Variants in GALNT1 observed in about 807,000 individuals in gnomAD.
GALNT1 encodes GalNAc transferase 1.
In GALNT1, 17 loss-of-function variants were observed where a neutral mutation model predicts 65.7. That is an observed-to-expected ratio of 0.26 (90% CI 0.18 to 0.39). The LOEUF (loss-of-function observed/expected upper bound fraction) is 0.39. Among genes scored for constraint, GALNT1 ranks in the 10% least tolerant of loss-of-function variants. GALNT1 has a pLI of 1.00. For missense variants in GALNT1, 460 were observed against 672.8 expected (o/e 0.68, Z 3.50); for synonymous variants, 210 against 219.7 (o/e 0.96, Z 0.39).
intron 3 of GALNT1, among the ~76,000 whole-genome samples, chr18:35,675,580 A>C (rs1199379029): frequency 1.3e-5 from 2 of 152,222 alleles, no homozygotes; most frequent in Non-Finnish European, 2.9e-5. Flanking sequence ...TCTCTTCTGC[A>C]GAACCTGCTG....
intron 1 of GALNT1, among the ~76,000 whole-genome samples, chr18:35,621,588 C>G (rs1461178460): frequency 2.0e-5 from 3 of 152,042 alleles, no homozygotes; most frequent in African/African-American, 7.2e-5. Context: ...CCCGGACTTT[C>G]GCATATCTTA....
At chr18:35,709,058 AT>A (rs1217412705) in intron 11 of GALNT1, among the ~76,000 whole-genome samples, 4 of 152,198 alleles carry the variant, frequency 2.6e-5, no homozygotes, top group African/African-American at 9.6e-5. Flanking sequence ...TAGGCATAAG[AT>A]TGATTTTACT....
chr18:35,656,839 TG>T (rs1423709445), intron 2 of GALNT1, among the ~76,000 whole-genome samples: 1 of 152,130 alleles, frequency 6.6e-6, no homozygotes, highest in Non-Finnish European at 1.5e-5. Flanking sequence ...TGTGAGAGTT[TG>T]GAAAAGAGCT....
intron 11 of GALNT1, among the ~76,000 whole-genome samples, chr18:35,707,578 T>G (rs1434050254): frequency 6.6e-6 from 1 of 152,240 alleles, no homozygotes; most frequent in Non-Finnish European, 1.5e-5. Flanking sequence ...TGTCCTGATG[T>G]CGAATAGTTA....
At chr18:35,675,715 G>C (rs1361895526) in intron 3 of GALNT1, among the ~76,000 whole-genome samples, 1 of 152,112 alleles carries the variant, frequency 6.6e-6, no homozygotes, top group Non-Finnish European at 1.5e-5. Flanking sequence ...TGGTAAGGTA[G>C]CAGCTATATA....
Position 35,692,175 on chromosome 18 carries a change from C to G in GALNT1, c.1160-6C>G, listed in dbSNP as rs777109869. ...ATAATTCAGAGTCAATTATTTCTTT[C>G]AACAGGTGTTACAAAGGTAGATTAT... On this transcript the variant is annotated splice_polypyrimidine_tract_variant and splice_region_variant and intron_variant, in intron 8 of 11. Coordinates refer to ENST00000269195, the MANE Select transcript of GALNT1 (RefSeq NM_020474.4). The G allele has an allele frequency of 2.5e-6, 4 of 1,602,434 alleles. No homozygotes were observed. Among genetic ancestry groups the G allele is most frequent in the Non-Finnish European group, 3.4e-6 (4 of 1,174,622 alleles).
intron 1 of GALNT1, among the ~76,000 whole-genome samples, chr18:35,638,381 CATTT>C (rs554427436): frequency 1.3e-5 from 2 of 152,016 alleles, no homozygotes; most frequent in Non-Finnish European, 2.9e-5. Flanking sequence ...GTGCTGCAGG[CATTT>C]ATTTATACAG....
At chr18:35,697,570 C>A (rs1257624902) in intron 9 of GALNT1, among the ~76,000 whole-genome samples, 1 of 152,102 alleles carries the variant, frequency 6.6e-6, no homozygotes, top group Admixed American at 6.5e-5. Context: ...TTTATTGGGG[C>A]ACCTTGCAAG....
At chr18:35,625,156 A>G (rs1166157692) in intron 1 of GALNT1, among the ~76,000 whole-genome samples, 1 of 152,220 alleles carries the variant, frequency 6.6e-6, no homozygotes, top group African/African-American at 2.4e-5. Context: ...TATGAAAAAC[A>G]TAATTCCCAT....
At chr18:35,648,492 G>A (rs1195417192) in intron 1 of GALNT1, among the ~76,000 whole-genome samples, 4 of 152,146 alleles carry the variant, frequency 2.6e-5, no homozygotes. Context: ...AAGTCGAGAA[G>A]CATCTGTAAT....
intron 1 of GALNT1, among the ~76,000 whole-genome samples, chr18:35,607,205 G>T (rs1276212886): frequency 6.6e-6 from 1 of 152,108 alleles, no homozygotes; most frequent in African/African-American, 2.4e-5. Flanking sequence ...ATTATCATTC[G>T]TAGGCAGTTT....
chr18:35,701,092 G>A (rs1324209539), intron 9 of GALNT1, among the ~76,000 whole-genome samples: 1 of 150,958 alleles, frequency 6.6e-6, no homozygotes, highest in African/African-American at 2.4e-5. Context: ...TTCTTTAAGA[G>A]ACAGGGCCTT....
At chr18:35,589,984 G>A (rs2046424164) in intron 1 of GALNT1, among the ~76,000 whole-genome samples, 1 of 152,190 alleles carries the variant, frequency 6.6e-6, no homozygotes. Context: ...GACTAGGTGA[G>A]TGCCAGTTTG....
chr18:35,595,731 T>C (rs2046497394), intron 1 of GALNT1, among the ~76,000 whole-genome samples: 1 of 152,192 alleles, frequency 6.6e-6, no homozygotes, highest in South Asian at 2.1e-4. Context: ...AAAAATAACA[T>C]GTTTACATAG....
chr18:35,617,094 T>A (rs1472319555), intron 1 of GALNT1, among the ~76,000 whole-genome samples: 1 of 152,006 alleles, frequency 6.6e-6, no homozygotes, highest in Non-Finnish European at 1.5e-5. Flanking sequence ...ATTGCAGGCA[T>A]TCAGACAGCT....
At chr18:35,694,125 C>CCTAT (rs1340457708) in intron 9 of GALNT1, among the ~76,000 whole-genome samples, 2 of 152,086 alleles carry the variant, frequency 1.3e-5, no homozygotes, top group Non-Finnish European at 1.5e-5. Context: ...TTATCAGTAG[C>CCTAT]CTATCTCACA....
At chr18:35,623,790 G>A (rs1045961836) in intron 1 of GALNT1, among the ~76,000 whole-genome samples, 3 of 152,104 alleles carry the variant, frequency 2.0e-5, no homozygotes, top group Non-Finnish European at 2.9e-5. Context: ...TTTGATAAGA[G>A]TTTCCTCTGT....
chr18:35,709,594 ACT>A (rs1369087262), intron 11 of GALNT1, 28 bp from the exon 12 acceptor site: 1 of 1,610,002 alleles, frequency 6.2e-7, no homozygotes, highest in Non-Finnish European at 8.5e-7. Context: ...GTTTTCTTCC[ACT>A]CTCATGTTAA....
chr18:35,619,262 A>G (rs2046822342), intron 1 of GALNT1, among the ~76,000 whole-genome samples: 1 of 152,112 alleles, frequency 6.6e-6, no homozygotes, highest in South Asian at 2.1e-4. Context: ...ATCTACCCCT[A>G]ACTCAAGTTT....
Sources: allele counts gnomAD v4.1 joint callset (sites outside exome capture counted in the v4.1 genomes callset), GRCh38; gene constraint gnomAD v4.1.1; transcripts MANE v1.5; gene names NCBI Gene and HGNC (gene_info 2026-07-23, HGNC 2026-07-21).